ANK2: variants seen among roughly 807,000 people sequenced by gnomAD.
ANK2 encodes ankyrin-2.
In ANK2, 83 loss-of-function variants were observed where a neutral mutation model predicts 360.5. The observed-to-expected ratio is 0.23, with a 90% confidence interval of 0.19 to 0.28. ANK2 has a LOEUF of 0.28. Among genes scored for constraint, ANK2 ranks in the 10% least tolerant of loss-of-function variants. ANK2 has a pLI of 1.00. For missense variants in ANK2, 4,201 were observed against 4,795.7 expected (o/e 0.88, Z 3.66); for synonymous variants, 1,740 against 1,759.5 (o/e 0.99, Z 0.28).
intron 45 of ANK2, among the ~76,000 whole-genome samples, chr4:113,375,134 T>G (rs1235156103): frequency 6.6e-6 from 1 of 152,232 alleles, no homozygotes; most frequent in Non-Finnish European, 1.5e-5. Context: ...TGGTGTTCAT[T>G]GGTGTCACCT....
At chr4:113,062,757 T>G (rs1290457152) in intron 1 of ANK2, among the ~76,000 whole-genome samples, 1 of 152,122 alleles carries the variant, frequency 6.6e-6, no homozygotes, top group Non-Finnish European at 1.5e-5. Flanking sequence ...GAATGTTTAC[T>G]GTATGTGAGA....
At chr4:113,367,998 A>G (rs1361563367) in intron 42 of ANK2, 147 bp downstream of exon 42, 3 of 982,674 alleles carry the variant, frequency 3.1e-6, no homozygotes, top group Non-Finnish European at 3.0e-6. Flanking sequence ...GGGAAAAAAA[A>G]AGCGTTAACA....
chr4:112,770,665 T>C, the ANK2 span, among the ~76,000 whole-genome samples: 1 of 151,426 alleles, frequency 6.6e-6, no homozygotes, highest in African/African-American at 2.4e-5. Flanking sequence ...GAGATTGTGC[T>C]ATTGTACTCC....
rs11355670 is a variant in ANK2 at position 113,336,292 on chromosome 4, TAA to T, written c.3591+248_3591+249del. Reference sequence around the variant, plus strand: ...TCCAGCTACAAATGTTTTCTTCTTGTAAAAAAAAAAAAAAGAAATTAGCTTTT... The same window carrying T: ...TCCAGCTACAAATGTTTTCTTCTTGTAAAAAAAAAAAAGAAATTAGCTTTT... On this transcript the variant is annotated intron_variant, in intron 30 of 45. Coordinates refer to ENST00000357077, the MANE Select transcript of ANK2 (RefSeq NM_001148.6). 17,855 of 486,776 alleles carry T rather than the reference TAA, an allele frequency of 0.037. 18 individuals carry two copies. The highest frequency in any genetic ancestry group is 0.051 in the African/African-American group (2,511 of 49,100). The allele number at this position is 486,776 out of a possible 1,614,324, so 30.2% of individuals were successfully genotyped here. A position where few individuals can be genotyped will look rare whatever the true frequency, so the allele number is the denominator to read the frequency against.
chr4:113,032,032 A>G (rs2060526804), intron 2 of ANK2, among the ~76,000 whole-genome samples: 1 of 152,188 alleles, frequency 6.6e-6, no homozygotes, highest in East Asian at 1.9e-4. Flanking sequence ...TACTTTAGAC[A>G]TAAAGAACTT....
chr4:112,954,744 C>T (rs910951672), intron 2 of ANK2, among the ~76,000 whole-genome samples: 1 of 152,066 alleles, frequency 6.6e-6, no homozygotes, highest in African/African-American at 2.4e-5. Context: ...TGGCAAAGTT[C>T]AGAGAATTAT....
chr4:113,265,441 G>A (rs2055417914), intron 14 of ANK2, among the ~76,000 whole-genome samples: 1 of 152,082 alleles, frequency 6.6e-6, no homozygotes, highest in African/African-American at 2.4e-5. Flanking sequence ...CCAAGTTTTA[G>A]TGTTTTTCCT....
chr4:113,156,555 A>G (rs2097306237), intron 1 of ANK2, among the ~76,000 whole-genome samples: 1 of 151,604 alleles, frequency 6.6e-6, no homozygotes, highest in African/African-American at 2.4e-5. Flanking sequence ...TATATTTAGT[A>G]GAGATAGGGT....
intron 1 of ANK2, among the ~76,000 whole-genome samples, chr4:112,883,418 T>A (rs530101864): frequency 1.3e-4 from 20 of 152,136 alleles, no homozygotes; most frequent in Non-Finnish European, 7.3e-5. Flanking sequence ...TTCATTTGCA[T>A]TTATGATTAT....
At chr4:113,072,293 T>C (rs558316294) in intron 1 of ANK2, among the ~76,000 whole-genome samples, 20 of 152,190 alleles carry the variant, frequency 1.3e-4, no homozygotes, top group Non-Finnish European at 2.1e-4. Flanking sequence ...TTGTAACAAT[T>C]TTTATGTCCT....
intron 35 of ANK2, among the ~76,000 whole-genome samples, chr4:113,347,349 A>G (rs960480782): frequency 4.6e-5 from 7 of 152,170 alleles, no homozygotes; most frequent in Non-Finnish European, 1.0e-4. Flanking sequence ...TTGTATTTTG[A>G]TGGTGCAGAA....
At chr4:113,007,042 G>A (rs1254782939) in intron 2 of ANK2, among the ~76,000 whole-genome samples, 1 of 152,106 alleles carries the variant, frequency 6.6e-6, no homozygotes, top group Non-Finnish European at 1.5e-5. Flanking sequence ...AAAGTAAATG[G>A]TCTTAAATCA....
intron 2 of ANK2, among the ~76,000 whole-genome samples, chr4:112,914,480 G>A (rs1348989516): frequency 5.9e-5 from 9 of 152,054 alleles, no homozygotes; most frequent in Admixed American, 2.6e-4. Context: ...AAAATTAGCC[G>A]GGCGTGGTGG....
rs1311919002 is a variant in ANK2 at position 113,355,045 on chromosome 4, G to A, written c.6427G>A (p.Glu2143Lys). 1.2e-6 allele frequency: 2 copies of A among 1,613,962 alleles called. No homozygotes were observed. Among genetic ancestry groups the A allele is most frequent in the African/African-American group, 2.7e-5 (2 of 74,928 alleles). ...STDFSEVIKQ[E>K]LEDNDKYQQF... The stretch of plus-strand genomic sequence containing the variant: ...TGACTTCTCTGAGGTCATTAAGCAA[G>A]AGTTGGAAGACAATGACAAATACCA... Residue 2143 changes from glutamate (E) to lysine (K), a missense_variant, in exon 38 of 46, where the codon GAG becomes AAG. Glu to Lys is a moderately conservative substitution (Grantham distance 56). Coordinates refer to ENST00000357077, the MANE Select transcript of ANK2 (RefSeq NM_001148.6).
chr4:112,853,404 G>A (rs1417174801), intron 1 of ANK2, among the ~76,000 whole-genome samples: 7 of 151,688 alleles, frequency 4.6e-5, no homozygotes, highest in South Asian at 4.2e-4. Flanking sequence ...GTCCTGCTAT[G>A]ATGCCAGGCT....
chr4:112,835,581 C>T (rs946309510), intron 1 of ANK2, among the ~76,000 whole-genome samples: 5 of 152,086 alleles, frequency 3.3e-5, no homozygotes, highest in African/African-American at 9.7e-5. Flanking sequence ...ACTTATTTAT[C>T]ATATGATGAT....
rs368551890 is a variant in ANK2 at position 113,323,763 on chromosome 4, G to A, written c.2900+5143G>A. ...AAAGTATCTATTCTGTTGCAGCCGC[G>A]CCTCTCCATGTCTTGAACGTGACAA... On this transcript the variant is annotated intron_variant, in intron 26 of 45. Coordinates refer to ENST00000357077, the MANE Select transcript of ANK2 (RefSeq NM_001148.6). 33 of 1,610,940 alleles carry A rather than the reference G, an allele frequency of 2.0e-5. No individual in the cohort carries two copies. Among genetic ancestry groups the A allele is most frequent in the East Asian group, 1.8e-4 (8 of 44,812 alleles).
chr4:113,373,908 G>A (rs149533018), intron 45 of ANK2, among the ~76,000 whole-genome samples: 1,734 of 152,154 alleles, frequency 0.011, 10 homozygotes, highest in Middle Eastern at 0.031. Flanking sequence ...AATCAGGATC[G>A]AGAAACTCTT....
At chr4:112,782,886 A>C in the ANK2 span, among the ~76,000 whole-genome samples, 2 of 129,786 alleles carry the variant, frequency 1.5e-5, no homozygotes. Context: ...AACAAAAAAC[A>C]AAAAACCAGA....
Sources: allele counts gnomAD v4.1 joint callset (sites outside exome capture counted in the v4.1 genomes callset), GRCh38; gene constraint gnomAD v4.1.1; transcripts MANE v1.5; gene names NCBI Gene and HGNC (gene_info 2026-07-23, HGNC 2026-07-21).